LIMS2: variants seen among roughly 807,000 people sequenced by gnomAD.
LIMS2 encodes LIM zinc finger domain containing 2, also known as LIM and senescent cell antigen-like-containing domain protein 2.
In LIMS2, 30 loss-of-function variants were observed where a neutral mutation model predicts 45.3. The ratio of observed to expected loss-of-function variants is 0.66; its 90% confidence interval spans 0.50 to 0.90. The LOEUF (loss-of-function observed/expected upper bound fraction) is 0.90. Ranked by LOEUF, LIMS2 falls within the 40% of genes least tolerant of loss-of-function variation. The probability of loss-of-function intolerance (pLI) is 0.00; values close to 1 mark genes in which losing one functional copy is unlikely to be tolerated. For missense variants in LIMS2, 485 were observed against 468.7 expected (o/e 1.03, Z -0.32); for synonymous variants, 173 against 188.0 (o/e 0.92, Z 0.65).
Position 127,642,271 on chromosome 2 carries a change from C to T in LIMS2, c.510-72G>A. 1 of 1,415,912 alleles carries T rather than the reference C, an allele frequency of 7.1e-7. No homozygotes were observed. Among genetic ancestry groups the T allele is most frequent in the Non-Finnish European group, 9.3e-7 (1 of 1,078,852 alleles). 87.7% of individuals were successfully genotyped at this position (1,415,912 alleles called of 1,614,324 possible). On this transcript the variant is annotated intron_variant, in intron 5 of 9. Coordinates refer to ENST00000355119, the MANE Select transcript of LIMS2 (RefSeq NM_001161403.3). This position sits in a 1 kb window ranked among gnomAD's most constrained non-coding sequence, Gnocchi z 5.3. ...AGGGTCATGCCAGCAGCGCCTCCAC[C>T]CCAGGGCACGGCTCCCCGAGGGGCC...
Position 127,675,483 on chromosome 2 carries a change from G to C in LIMS2, c.-459C>G, listed in dbSNP as rs1185429131. ...CCAGGGACACGGAGCGCGGCCAGCG[G>C]CGGGCGCGGGTCAAGTCCTTCCCAA... On this transcript the variant is annotated 5_prime_UTR_variant, in exon 1 of 10. Coordinates refer to ENST00000355119, the MANE Select transcript of LIMS2 (RefSeq NM_001161403.3). Among the ~76,000 whole-genome samples, 1 of 151,934 alleles carries C rather than the reference G, an allele frequency of 6.6e-6. No homozygotes were observed. The highest frequency in any genetic ancestry group is 1.5e-5 in the Non-Finnish European group (1 of 67,868).
chr2:127,665,147 A>G (rs1350906525), intron 1 of LIMS2, among the ~76,000 whole-genome samples: 1 of 152,200 alleles, frequency 6.6e-6, no homozygotes, highest in African/African-American at 2.4e-5. Context: ...CACCCGCGGT[A>G]GGCATCCAAA....
chr2:127,659,702 C>T lies in LIMS2; in HGVS notation c.12-2140G>A, dbSNP rs552483533. The stretch of plus-strand genomic sequence containing the variant: ...TTCCTCACTCCAAGGACCCAGAAAA[C>T]GAAGCCAAATTAAGGACTTCCACCC... On this transcript the variant is annotated intron_variant, in intron 1 of 9. Transcript: ENST00000355119. 8.3e-4 allele frequency among the ~76,000 whole-genome samples: 126 copies of T among 152,326 alleles called. 1 individual carries two copies. The highest frequency in any genetic ancestry group is 2.5e-3 in the African/African-American group (104 of 41,574).
chr2:127,658,753 C>G (rs895352662), intron 1 of LIMS2, among the ~76,000 whole-genome samples: 1 of 152,184 alleles, frequency 6.6e-6, no homozygotes, highest in Non-Finnish European at 1.5e-5. Context: ...CAGTGGATTC[C>G]TGGAAGACTG....
intron 9 of LIMS2, among the ~76,000 whole-genome samples, 168 bp from the exon 10 acceptor site, chr2:127,639,596 G>A (rs1682194653): frequency 6.6e-6 from 1 of 152,086 alleles, no homozygotes; most frequent in Non-Finnish European, 1.5e-5. Flanking sequence ...GGGATGAGAA[G>A]GGCCTTGAGG....
Position 127,665,010 on chromosome 2 carries a change from A to G in LIMS2, c.12-7448T>C, listed in dbSNP as rs139462222. On this transcript the variant is annotated intron_variant, in intron 1 of 9. Transcript: ENST00000355119. ...ACCCCAAAAGAGGTCCTTATTTTAG[A>G]GAAAAGGCAATCCTCCAGCTTCCAG... Among the ~76,000 whole-genome samples, 491 of 152,306 alleles carry G rather than the reference A, an allele frequency of 3.2e-3. 2 individuals are homozygous for G. The highest frequency in any genetic ancestry group is 0.011 in the African/African-American group (477 of 41,562).
At chr2:127,658,399 A>G (rs1270620507) in intron 1 of LIMS2, among the ~76,000 whole-genome samples, 1 of 152,186 alleles carries the variant, frequency 6.6e-6, no homozygotes, top group Non-Finnish European at 1.5e-5. Context: ...TAAAAAATAA[A>G]TAAAAAAGAC....
chr2:127,641,854 G>A, intron 6 of LIMS2, 195 bp downstream of exon 6: 1 of 568,486 alleles, frequency 1.8e-6, no homozygotes, highest in Non-Finnish European at 3.1e-6. Flanking sequence ...TGTGCACTCG[G>A]GTCTCCTGGC....
chr2:127,654,938 C>T (rs1319104205), intron 2 of LIMS2, 42 bp from the exon 3 acceptor site: 1 of 1,581,026 alleles, frequency 6.3e-7, no homozygotes, highest in Non-Finnish European at 8.7e-7. Flanking sequence ...AACCACCTAT[C>T]ATCCCCATGA....
Position 127,671,502 on chromosome 2 carries a change from G to A in LIMS2, c.11+3512C>T, listed in dbSNP as rs1363992123. ...ACAGACAGAAGAAGGATAACCCGCT[G>A]TGGATAGAAAGCCCGGGCTCCTCTC... On this transcript the variant is annotated intron_variant, in intron 1 of 9. Transcript: ENST00000355119. This position sits in a 1 kb window ranked among gnomAD's most constrained non-coding sequence, Gnocchi z 4.1. Among the ~76,000 whole-genome samples, 1 of 151,986 alleles carries A rather than the reference G, an allele frequency of 6.6e-6. No individual in the cohort carries two copies. Among genetic ancestry groups the A allele is most frequent in the African/African-American group, 2.4e-5 (1 of 41,394 alleles).
chr2:127,654,463 A>G lies in LIMS2; in HGVS notation c.320T>C (p.Val107Ala), dbSNP rs746569188. 6.2e-7 allele frequency: 1 copy of G among 1,614,136 alleles called. No homozygotes were observed. The highest frequency in any genetic ancestry group is 8.5e-7 in the Non-Finnish European group (1 of 1,180,006). ...CACAAAGCCCAGGTCAGCCAGCTCC[A>G]CATCACACAGCTCGCAGCGGAAGCA... ...PGCFRCELCD[V>A]ELADLGFVKN... Residue 107 changes from valine (V) to alanine (A), a missense_variant, in exon 4 of 10, where the codon GTG becomes GCG. By Grantham distance (64) the Val-to-Ala change is moderately conservative. Transcript: ENST00000355119.
Position 127,675,102 on chromosome 2 carries a change from C to A in LIMS2, c.-78G>T, listed in dbSNP as rs1470026321. 3 of 1,209,676 alleles carry A rather than the reference C, an allele frequency of 2.5e-6. No homozygotes were observed. Among genetic ancestry groups the A allele is most frequent in the Non-Finnish European group, 3.1e-6 (3 of 968,284 alleles). The allele number at this position is 1,209,676 out of a possible 1,614,324, so 74.9% of individuals were successfully genotyped here. The stretch of plus-strand genomic sequence containing the variant: ...TGCTGCTGCAGCCGCCAGCCGAGCG[C>A]CCGCCCGCCAGCCCGGGCCGCGGAG... On this transcript the variant is annotated 5_prime_UTR_variant, in exon 1 of 10. Coordinates refer to ENST00000355119, the MANE Select transcript of LIMS2 (RefSeq NM_001161403.3).
At chr2:127,641,367 A>C in intron 6 of LIMS2, 1 of 222,478 alleles carries the variant, frequency 4.5e-6, no homozygotes, top group South Asian at 6.5e-5. Flanking sequence ...TCATAGGCAG[A>C]GGCGGCCCTG....
intron 2 of LIMS2, 60 bp downstream of exon 2, chr2:127,657,343 C>G: frequency 6.2e-7 from 1 of 1,603,330 alleles, no homozygotes; most frequent in Non-Finnish European, 8.5e-7. Context: ...GCCCGGCCCA[C>G]CCGCTCATAG....
chr2:127,676,026 A>G (rs1685490901), upstream of LIMS2, among the ~76,000 whole-genome samples: 1 of 152,268 alleles, frequency 6.6e-6, no homozygotes. Context: ...AGAGGCGTTA[A>G]GATGGAGGGG....
chr2:127,647,535 G>A lies in LIMS2; in HGVS notation c.360-4463C>T, dbSNP rs1329996630. On this transcript the variant is annotated intron_variant, in intron 4 of 9. Coordinates refer to ENST00000355119, the MANE Select transcript of LIMS2 (RefSeq NM_001161403.3). The surrounding 1 kb of genome is among the most constrained non-coding windows in gnomAD (Gnocchi z 4.3). ...TATGAGCTGCTCTCTCGTGGGGCCA[G>A]GTGATGCCTGCACTGTGGGGCACAG... is the stretch of plus-strand genomic sequence containing the variant. Among the ~76,000 whole-genome samples the A allele has an allele frequency of 6.6e-6, 1 of 152,160 alleles. No homozygotes were observed. The highest frequency in any genetic ancestry group is 1.5e-5 in the Non-Finnish European group (1 of 68,008).
intron 4 of LIMS2, chr2:127,649,863 GTC>G: frequency 2.9e-6 from 2 of 678,756 alleles, no homozygotes; most frequent in East Asian, 2.8e-5. Context: ...GCTGGCCAGT[GTC>G]TCTGACGCTG....
At chr2:127,660,476 C>T (rs1164058062) in intron 1 of LIMS2, among the ~76,000 whole-genome samples, 5 of 152,232 alleles carry the variant, frequency 3.3e-5, no homozygotes, top group East Asian at 1.9e-4. Context: ...CATGAACCGA[C>T]GGGGAGGAAT....
At chr2:127,669,614 G>A (rs2105340169) in intron 1 of LIMS2, among the ~76,000 whole-genome samples, 1 of 152,042 alleles carries the variant, frequency 6.6e-6, no homozygotes, top group East Asian at 1.9e-4. Flanking sequence ...GCTACTGGAG[G>A]GGCTGAGGCA....
Sources: allele counts gnomAD v4.1 joint callset (sites outside exome capture counted in the v4.1 genomes callset), GRCh38; gene constraint gnomAD v4.1.1; non-coding constraint Gnocchi (gnomAD v3.1); transcripts MANE v1.5; gene names NCBI Gene and HGNC (gene_info 2026-07-23, HGNC 2026-07-21).